TTC27: variants seen among roughly 807,000 people sequenced by gnomAD.
TTC27 encodes the protein tetratricopeptide repeat domain 27.
TTC27 carries 79 observed loss-of-function variants against 115.9 expected under a neutral mutation model. The ratio of observed to expected loss-of-function variants is 0.68; its 90% CI spans 0.57 to 0.82. The LOEUF is 0.82. TTC27 is among the 40% of genes least tolerant of loss of function. TTC27 has a pLI of 0.00. For synonymous variants in TTC27, 401 were observed against 356.0 expected (o/e 1.13, Z -1.42); for missense variants, 1,054 against 993.1 (o/e 1.06, Z -0.82).
chr2:32,690,789 T>C (rs1666783824), intron 9 of TTC27, among the ~76,000 whole-genome samples: 1 of 152,234 alleles, frequency 6.6e-6, no homozygotes. Context: ...AAACTTGGAA[T>C]TTTAAACTTA....
chr2:32,678,395 GTATT>G lies in TTC27; in HGVS notation c.1053-443_1053-440del, dbSNP rs773344856. 2.1e-3 allele frequency among the ~76,000 whole-genome samples: 315 copies of G among 151,430 alleles called. 1 individual carries two copies. The highest frequency in any genetic ancestry group is 7.0e-3 in the African/African-American group (289 of 41,274). ...CTCTACATTTGTATATAATGCCATA[GTATT>G]TATTTATTTATTTATTTTTTAATTT... is the stretch of plus-strand genomic sequence containing the variant. On this transcript the variant is annotated intron_variant, in intron 8 of 19. Transcript: ENST00000317907.
At chr2:32,778,831 G>A (rs902201472) in intron 14 of TTC27, among the ~76,000 whole-genome samples, 1 of 152,158 alleles carries the variant, frequency 6.6e-6, no homozygotes, top group Non-Finnish European at 1.5e-5. Context: ...ACCAACATAT[G>A]TTTCCATTTC....
At chr2:32,801,078 A>G (rs1038028767) in intron 16 of TTC27, among the ~76,000 whole-genome samples, 1 of 152,178 alleles carries the variant, frequency 6.6e-6, no homozygotes, top group African/African-American at 2.4e-5. Flanking sequence ...TGACATTCAT[A>G]TGTTTATTGC....
chr2:32,711,960 A>C (rs559232624), intron 10 of TTC27, among the ~76,000 whole-genome samples: 1 of 152,070 alleles, frequency 6.6e-6, no homozygotes, highest in East Asian at 1.9e-4. Flanking sequence ...AAAAAGACTT[A>C]AGGAAAATAA....
At chr2:32,657,048 C>T (rs1310459646) in intron 5 of TTC27, among the ~76,000 whole-genome samples, 8 of 148,728 alleles carry the variant, frequency 5.4e-5, no homozygotes, top group East Asian at 4.0e-4. Context: ...TACAGTGGCA[C>T]GATTTCGGCT....
intron 12 of TTC27, among the ~76,000 whole-genome samples, chr2:32,744,627 C>A (rs74412940): frequency 0.019 from 2,897 of 152,304 alleles, 58 homozygotes; most frequent in Middle Eastern, 0.041. Flanking sequence ...TTAGGGCTTA[C>A]TGCTTCTTTC....
At chr2:32,786,125 CA>C (rs902320803) in intron 15 of TTC27, among the ~76,000 whole-genome samples, 15 of 110,338 alleles carry the variant, frequency 1.4e-4, no homozygotes, top group African/African-American at 5.5e-4. Context: ...CCCTTAAAAT[CA>C]ATTTTTTTTT....
rs778888383 is a variant in TTC27 at position 32,733,816 on chromosome 2, A to G, written c.1234-12A>G. On this transcript the variant is annotated splice_polypyrimidine_tract_variant and intron_variant, in intron 10 of 19. Transcript: ENST00000317907. The stretch of plus-strand genomic sequence containing the variant: ...TACATATAGATTCTGATTGTGATAT[A>G]TGTCCTTTAAGGCTCTTGCAGACCA... 1 of 1,574,454 alleles carries G rather than the reference A, an allele frequency of 6.4e-7. No homozygotes were observed. The highest frequency in any genetic ancestry group is 1.7e-5 in the Admixed American group (1 of 57,722).
intron 5 of TTC27, among the ~76,000 whole-genome samples, chr2:32,659,328 G>T (rs1265401949): frequency 7.0e-6 from 1 of 143,326 alleles, no homozygotes; most frequent in South Asian, 2.2e-4. Context: ...AACTGATATC[G>T]TCTTCATCAG....
chr2:32,714,990 G>T (rs950883683), intron 10 of TTC27, among the ~76,000 whole-genome samples: 3 of 151,992 alleles, frequency 2.0e-5, no homozygotes, highest in African/African-American at 7.2e-5. Flanking sequence ...ACCTTTGTTG[G>T]ATGCATTTGC....
At chr2:32,743,731 C>G (rs1055488708) in intron 12 of TTC27, among the ~76,000 whole-genome samples, 3 of 152,110 alleles carry the variant, frequency 2.0e-5, no homozygotes, top group Non-Finnish European at 4.4e-5. Context: ...TAGTTCTCAT[C>G]ATTTGGTTAG....
At chr2:32,786,835 T>G in intron 15 of TTC27, 149 bp from the exon 16 acceptor site, 1 of 682,576 alleles carries the variant, frequency 1.5e-6, no homozygotes, top group South Asian at 2.5e-5. Context: ...TTTGAGTTGG[T>G]TTTGTGTTGT....
chr2:32,711,336 T>C (rs916123010), intron 10 of TTC27, among the ~76,000 whole-genome samples: 1 of 152,146 alleles, frequency 6.6e-6, no homozygotes, highest in Non-Finnish European at 1.5e-5. Context: ...GAAAATTCTC[T>C]TTACTTCCCC....
intron 5 of TTC27, among the ~76,000 whole-genome samples, chr2:32,655,814 C>A (rs532255869): frequency 3.6e-4 from 54 of 151,954 alleles, no homozygotes; most frequent in African/African-American, 1.3e-3. Flanking sequence ...TATTCTGTCA[C>A]TTTCATGCAG....
intron 10 of TTC27, among the ~76,000 whole-genome samples, chr2:32,722,477 C>T (rs1572548727): frequency 6.6e-6 from 1 of 152,092 alleles, no homozygotes; most frequent in Non-Finnish European, 1.5e-5. Flanking sequence ...GGTAACTAAT[C>T]CTAGGGAGGA....
intron 18 of TTC27, 24 bp from the exon 19 acceptor site, chr2:32,817,433 T>C (rs746443774): frequency 6.3e-7 from 1 of 1,585,972 alleles, no homozygotes; most frequent in Admixed American, 1.7e-5. Flanking sequence ...TTAATGGATG[T>C]TTCTCTCCAT....
chr2:32,726,900 A>G (rs973844982), intron 10 of TTC27, among the ~76,000 whole-genome samples: 44 of 152,208 alleles, frequency 2.9e-4, no homozygotes, highest in African/African-American at 1.1e-3. Flanking sequence ...CACATCTTAC[A>G]TGGATGGCAG....
At chr2:32,775,495 G>A (rs930005216) in intron 13 of TTC27, among the ~76,000 whole-genome samples, 1 of 152,284 alleles carries the variant, frequency 6.6e-6, no homozygotes, top group Middle Eastern at 3.4e-3. Flanking sequence ...ACTTTGCCCG[G>A]CCACACATGT....
rs968284270 is a variant in TTC27 at position 32,758,222 on chromosome 2, G to T, written c.1453-70G>T. On this transcript the variant is annotated intron_variant, in intron 12 of 19. Coordinates refer to ENST00000317907, the MANE Select transcript of TTC27 (RefSeq NM_017735.5). ...ATTTGGATTGTGTGAGATTAAAGAT[G>T]TATATGTGCTAAAAAAAAAAATAGC... is the stretch of plus-strand genomic sequence containing the variant. The T allele has an allele frequency of 6.6e-6, 9 of 1,365,374 alleles. No homozygotes were observed. The East Asian group carries it at 9.2e-5, about 14-fold the overall frequency. The allele number at this position is 1,365,374 out of a possible 1,614,324, so 84.6% of individuals were successfully genotyped here.
Sources: gnomAD v4.1 joint callset for allele counts (sites outside exome capture counted in the v4.1 genomes callset) on GRCh38, gnomAD v4.1.1 for gene constraint, MANE v1.5 for transcripts, NCBI Gene and HGNC (gene_info 2026-07-23, HGNC 2026-07-21) for gene names.